The following WWOX variants were observed in gnomAD, a reference collection of about 807,000 sequenced individuals.
WWOX encodes the protein WW domain containing oxidoreductase, also known as WW domain-containing oxidoreductase.
A neutral mutation model predicts 46.2 loss-of-function variants in WWOX; 69 were observed. The ratio of observed to expected loss-of-function variants is 1.49; its 90% CI spans 1.23 to 1.82. The LOEUF is 1.82. WWOX is among the 40% of genes most tolerant of loss of function. The pLI is 0.00. For synonymous variants in WWOX, 359 were observed against 202.6 expected (o/e 1.77, Z -6.56); for missense variants, 919 against 542.6 (o/e 1.69, Z -6.89).
chr16:78,934,878 T>C (rs2045703562), intron 8 of WWOX, among the ~76,000 whole-genome samples: 1 of 152,120 alleles, frequency 6.6e-6, no homozygotes, highest in Admixed American at 6.5e-5. Context: ...GGCGGGTGCA[T>C]CACTTGAGCC....
intron 8 of WWOX, among the ~76,000 whole-genome samples, chr16:78,499,156 C>T (rs1470003285): frequency 1.3e-5 from 2 of 152,014 alleles, no homozygotes; most frequent in African/African-American, 4.8e-5. Context: ...CCTCGTGATG[C>T]ACGGTGATAG....
chr16:78,547,912 GA>G (rs2044079959), intron 8 of WWOX, among the ~76,000 whole-genome samples: 2 of 152,072 alleles, frequency 1.3e-5, no homozygotes, highest in African/African-American at 2.4e-5. Context: ...AGCACTTTGG[GA>G]GGCTGAGATG....
At chr16:78,475,869 A>C (rs1361589947) in intron 8 of WWOX, among the ~76,000 whole-genome samples, 1 of 152,360 alleles carries the variant, frequency 6.6e-6, no homozygotes, top group East Asian at 1.9e-4. Flanking sequence ...TGCTGCGATT[A>C]CATTTTAAAA....
chr16:78,712,318 C>G (rs186236184), intron 8 of WWOX, among the ~76,000 whole-genome samples: 12 of 151,880 alleles, frequency 7.9e-5, no homozygotes, highest in Admixed American at 2.0e-4. Context: ...CCTGGCCAAC[C>G]TGGTGAAACT....
intron 8 of WWOX, among the ~76,000 whole-genome samples, chr16:78,939,361 A>G (rs951100993): frequency 2.3e-4 from 35 of 152,254 alleles, no homozygotes; most frequent in African/African-American, 7.7e-4. Context: ...TGACTCTACA[A>G]TTGCTGGGAT....
chr16:79,046,654 T>C (rs1390418112), intron 8 of WWOX, among the ~76,000 whole-genome samples: 2 of 152,138 alleles, frequency 1.3e-5, no homozygotes, highest in African/African-American at 4.8e-5. Flanking sequence ...GACTCCACGG[T>C]GAGCATAGCT....
intron 8 of WWOX, chr16:78,826,063 A>G (rs1479985780): frequency 4.8e-6 from 2 of 412,386 alleles, no homozygotes; most frequent in African/African-American, 4.1e-5. Flanking sequence ...AAAGACATTT[A>G]ATAAAATATT....
At chr16:78,470,774 C>G (rs527375391) in intron 8 of WWOX, among the ~76,000 whole-genome samples, 4 of 152,178 alleles carry the variant, frequency 2.6e-5, no homozygotes, top group Admixed American at 6.5e-5. Context: ...GGTGATTGAC[C>G]TACCTCGGCC....
chr16:78,704,127 G>C (rs1004182967), intron 8 of WWOX, among the ~76,000 whole-genome samples: 5 of 151,774 alleles, frequency 3.3e-5, no homozygotes, highest in African/African-American at 1.2e-4. Flanking sequence ...GAAAGGGGCA[G>C]GCTGTGATTT....
intron 8 of WWOX, among the ~76,000 whole-genome samples, chr16:79,002,921 T>C (rs2047121909): frequency 6.6e-6 from 1 of 152,200 alleles, no homozygotes; most frequent in African/African-American, 2.4e-5. Context: ...AATGCAGAAA[T>C]GCATTAGAGC....
In WWOX at chr16:78,763,919, A is replaced by G. The variant is rs188249232; in HGVS notation, c.1056+331167A>G. 2.1e-3 allele frequency among the ~76,000 whole-genome samples: 314 copies of G among 152,172 alleles called. 3 individuals are homozygous for G. The highest frequency in any genetic ancestry group is 7.0e-3 in the African/African-American group (291 of 41,514). On this transcript the variant is annotated intron_variant, in intron 8 of 8. Transcript: ENST00000566780. ...CCCCAATGCCCCAAAACCCTCTTCT[A>G]TTTCCTTTAGCACTCTTGAGCTGAA...
At chr16:78,983,143 A>G (rs765852206) in intron 8 of WWOX, among the ~76,000 whole-genome samples, 1 of 152,210 alleles carries the variant, frequency 6.6e-6, no homozygotes, top group Non-Finnish European at 1.5e-5. Flanking sequence ...TTTCCCACCA[A>G]GGCATCAAAC....
intron 8 of WWOX, among the ~76,000 whole-genome samples, chr16:78,539,959 G>A (rs1395356935): frequency 6.6e-6 from 1 of 151,508 alleles, no homozygotes; most frequent in Admixed American, 6.6e-5. Flanking sequence ...ATTTCACAGT[G>A]TTTCTAGCTC....
rs112319479 is a variant in WWOX at position 78,133,544 on chromosome 16, C to T, written c.409+18390C>T. On this transcript the variant is annotated intron_variant, in intron 4 of 8. Transcript: ENST00000566780. ...CCAAAGTGCTGGGATTACAGGCTCA[C>T]GCCACCATGCCTAGCTGATTTTTGT... Among the ~76,000 whole-genome samples, 818 of 151,760 alleles carry T rather than the reference C, an allele frequency of 5.4e-3. 7 individuals carry two copies. Among genetic ancestry groups the T allele is most frequent in the African/African-American group, 0.019 (773 of 41,372 alleles).
At chr16:79,069,265 T>C (rs149216125) in intron 8 of WWOX, among the ~76,000 whole-genome samples, 35 of 152,236 alleles carry the variant, frequency 2.3e-4, no homozygotes, top group African/African-American at 6.5e-4. Flanking sequence ...CTGTTTAGAG[T>C]TGCCAGTTCT....
At chr16:78,882,114 A>G (rs1405967518) in intron 8 of WWOX, among the ~76,000 whole-genome samples, 1 of 152,216 alleles carries the variant, frequency 6.6e-6, no homozygotes, top group Non-Finnish European at 1.5e-5. Context: ...TGACAGAGCA[A>G]GAGTCCATTT....
At chr16:78,545,227 G>C (rs1403213078) in intron 8 of WWOX, among the ~76,000 whole-genome samples, 1 of 152,094 alleles carries the variant, frequency 6.6e-6, no homozygotes, top group Non-Finnish European at 1.5e-5. Context: ...ACTTTTGTTG[G>C]GGAGCTGTTT....
chr16:78,922,312 A>G (rs1223816930), intron 8 of WWOX, among the ~76,000 whole-genome samples: 1 of 152,062 alleles, frequency 6.6e-6, no homozygotes, highest in Admixed American at 6.5e-5. Context: ...TCTCCAGAGT[A>G]TGATCAGAGG....
chr16:78,906,550 A>T (rs2044970091), intron 8 of WWOX, among the ~76,000 whole-genome samples: 1 of 152,184 alleles, frequency 6.6e-6, no homozygotes, highest in South Asian at 2.1e-4. Context: ...ACGGCTTCCA[A>T]AGAGAACTGC....
Sources: allele counts gnomAD v4.1 joint callset (sites outside exome capture counted in the v4.1 genomes callset), GRCh38; gene constraint gnomAD v4.1.1; transcripts MANE v1.5; gene names NCBI Gene and HGNC (gene_info 2026-07-23, HGNC 2026-07-21).